The following CCDC66 variants were observed in gnomAD, a reference collection of about 807,000 sequenced individuals.
CCDC66 encodes coiled-coil domain-containing protein 66.
CCDC66 carries 133 observed loss-of-function variants against 128.3 expected under a neutral mutation model. The ratio of observed to expected loss-of-function variants is 1.04; its 90% CI spans 0.90 to 1.20. The LOEUF (loss-of-function observed/expected upper bound fraction) is 1.20, where lower values mean the gene tolerates loss of function less well. Ranked by LOEUF, CCDC66 falls within the 50% of genes most tolerant of loss-of-function variation. CCDC66 has a pLI of 0.00. For missense variants in CCDC66, 1,126 were observed against 1,075.5 expected (o/e 1.05, Z -0.66); for synonymous variants, 387 against 357.0 (o/e 1.08, Z -0.95).
At chr3:56,591,402 C>T (rs908223219) in intron 7 of CCDC66, among the ~76,000 whole-genome samples, 1 of 152,100 alleles carries the variant, frequency 6.6e-6, no homozygotes, top group African/African-American at 2.4e-5. Context: ...ATACAGCATC[C>T]ACTCTTTTAG....
intron 3 of CCDC66, among the ~76,000 whole-genome samples, chr3:56,561,591 A>G (rs893900815): frequency 6.6e-6 from 1 of 152,178 alleles, no homozygotes; most frequent in African/African-American, 2.4e-5. Flanking sequence ...TACTGATGCA[A>G]CCTAAGTTTC....
At position 56,586,520 on chromosome 3, in the gene CCDC66, ACT is replaced by A. The variant is rs1166268336; in HGVS notation, c.937-6447_937-6446del. ...CACTCTGGCCTGGGGGCAGAGCAAG[ACT>A]CTTTCTCAAAAAAAAAAAAAGAAAA... On this transcript the variant is annotated intron_variant, in intron 7 of 17. Coordinates refer to ENST00000394672, the MANE Select transcript of CCDC66 (RefSeq NM_001141947.3). Among the ~76,000 whole-genome samples, 3 of 144,466 alleles carry A rather than the reference ACT, an allele frequency of 2.1e-5. No individual in the cohort carries two copies. The East Asian group carries it at 6.1e-4, about 29-fold the overall frequency. The allele number at this position is 144,466 out of a possible 152,430, so 94.8% of individuals were successfully genotyped here. A position where few individuals can be genotyped will look rare whatever the true frequency, so the allele number is the denominator to read the frequency against.
intron 6 of CCDC66, among the ~76,000 whole-genome samples, chr3:56,567,724 G>A (rs531144205): frequency 6.6e-6 from 1 of 151,916 alleles, no homozygotes. Context: ...ATGGGGTCTC[G>A]CTGTGTTGCC....
rs757859135 is a variant in CCDC66, at chr3:56,564,022, C to T, written c.441C>T (p.Ser147=). 2 of 1,613,954 alleles carry T rather than the reference C, an allele frequency of 1.2e-6. No individual in the cohort carries two copies. The highest frequency in any genetic ancestry group is 2.2e-5 in the South Asian group (2 of 91,084). ...KKHITAENMK[S]SLVCLTQDQL... is the part of the protein sequence containing the mutation. ...ACATCACAGCTGAAAACATGAAGAG[C>T]AGTTTGGTGTGTCTAACACAAGACC... Residue 147 remains serine, a synonymous_variant, in exon 4 of 18, where the codon AGC becomes AGT. Coordinates refer to ENST00000394672, the MANE Select transcript of CCDC66 (RefSeq NM_001141947.3).
Position 56,557,231 on chromosome 3 carries a change from C to T in CCDC66, c.-12C>T, listed in dbSNP as rs1031291418. The T allele has an allele frequency of 6.5e-7, 1 of 1,548,960 alleles. No individual in the cohort carries two copies. Among genetic ancestry groups the T allele is most frequent in the Non-Finnish European group, 8.7e-7 (1 of 1,146,522 alleles). On this transcript the variant is annotated 5_prime_UTR_variant, in exon 1 of 18. Coordinates refer to ENST00000394672, the MANE Select transcript of CCDC66 (RefSeq NM_001141947.3). ...GCTTGAGCGTTCTGTGGAGAGAGTG[C>T]GAGGTCAGGCCATGAACTTGGGGTA...
chr3:56,575,217 G>A (rs1237032632), intron 7 of CCDC66, among the ~76,000 whole-genome samples: 1 of 151,780 alleles, frequency 6.6e-6, no homozygotes, highest in Non-Finnish European at 1.5e-5. Flanking sequence ...TCCATCAGCA[G>A]TGCACTGTGT....
chr3:56,620,349 A>G (rs2076250230), intron 17 of CCDC66: 1 of 153,174 alleles, frequency 6.5e-6, no homozygotes, highest in South Asian at 2.0e-4. Flanking sequence ...GCATAACCTT[A>G]CTCACCATAC....
intron 3 of CCDC66, chr3:56,560,847 C>G (rs1285567601): frequency 4.4e-6 from 2 of 454,562 alleles, no homozygotes; most frequent in Non-Finnish European, 8.8e-6. Flanking sequence ...CTACAGCCCC[C>G]TTTTATCTTT....
At position 56,573,617 on chromosome 3, in the gene CCDC66, A is replaced by G. The variant is rs564773952; in HGVS notation, c.936+2315A>G. Among the ~76,000 whole-genome samples the G allele has an allele frequency of 7.2e-5, 11 of 152,370 alleles. No individual in the cohort carries two copies. The South Asian group carries it at 2.1e-3, about 29-fold the overall frequency. On this transcript the variant is annotated intron_variant, in intron 7 of 17. Transcript: ENST00000394672. ...AGGGTAGAGTTTTCAGCCCTCTGAC[A>G]TCAAAAAGTAAAGCAGAGGACACAA...
chr3:56,621,187 A>AC (rs2076535672), intron 17 of CCDC66: 1 of 163,152 alleles, frequency 6.1e-6, no homozygotes, highest in Non-Finnish European at 1.3e-5. Context: ...CAACAACAAA[A>AC]AAAAAACACT....
At chr3:56,597,715 C>A (rs1421489553) in intron 10 of CCDC66, among the ~76,000 whole-genome samples, 1 of 148,524 alleles carries the variant, frequency 6.7e-6, no homozygotes, top group Non-Finnish European at 1.5e-5. Context: ...TTGTATTCTG[C>A]AACTTTACTG....
intron 4 of CCDC66, among the ~76,000 whole-genome samples, chr3:56,565,442 T>C (rs2065685052): frequency 2.4e-5 from 1 of 41,250 alleles, no homozygotes; most frequent in Admixed American, 1.9e-4. Flanking sequence ...CCCGGCTAAC[T>C]TTTTTTTTTT....
chr3:56,600,603 TA>T (rs2072998398), intron 10 of CCDC66, among the ~76,000 whole-genome samples: 2 of 152,060 alleles, frequency 1.3e-5, no homozygotes, highest in Non-Finnish European at 2.9e-5. Context: ...ACCAACAGTG[TA>T]AAAGCGTTCC....
chr3:56,608,356 G>C (rs1303882832), intron 10 of CCDC66, among the ~76,000 whole-genome samples: 1 of 152,072 alleles, frequency 6.6e-6, no homozygotes, highest in Non-Finnish European at 1.5e-5. Context: ...AAGCTAGGAG[G>C]GTTGTATTTT....
At chr3:56,606,621 A>G (rs1258899603) in intron 10 of CCDC66, among the ~76,000 whole-genome samples, 5 of 151,810 alleles carry the variant, frequency 3.3e-5, no homozygotes, top group Non-Finnish European at 7.4e-5. Context: ...CCACTGTCCA[A>G]CCAGTCCCAA....
Position 56,572,189 on chromosome 3 carries a change from CTA to C in CCDC66, c.936+889_936+890del. The C allele has an allele frequency of 5.4e-6, 2 of 368,590 alleles. 1 individual carries two copies. The highest frequency in any genetic ancestry group is 4.3e-5 in the South Asian group (2 of 46,118). The allele number at this position is 368,590 out of a possible 1,614,324, so 22.8% of individuals were successfully genotyped here. The stretch of plus-strand genomic sequence containing the variant: ...TTGAAATGAATACAAAACTCTGCCA[CTA>C]TGTGTAAGTGTTTAGTTATCAAATA... On this transcript the variant is annotated intron_variant, in intron 7 of 17. Transcript: ENST00000394672.
intron 10 of CCDC66, among the ~76,000 whole-genome samples, chr3:56,602,310 G>T (rs553836338): frequency 1.3e-5 from 2 of 152,076 alleles, no homozygotes; most frequent in Non-Finnish European, 2.9e-5. Flanking sequence ...TTGCATCCCA[G>T]ATATGAAGCC....
At chr3:56,562,261 G>C (rs964523727) in intron 3 of CCDC66, among the ~76,000 whole-genome samples, 69 of 151,382 alleles carry the variant, frequency 4.6e-4, no homozygotes, top group East Asian at 1.9e-4. Flanking sequence ...TGTTGCCCAG[G>C]CTTGTCTCAA....
intron 8 of CCDC66, 98 bp downstream of exon 8, chr3:56,593,199 A>C: frequency 9.7e-7 from 1 of 1,027,340 alleles, no homozygotes; most frequent in Non-Finnish European, 1.4e-6. Flanking sequence ...ACAAGACCAG[A>C]ATATTCCATT....
Sources: gnomAD v4.1 joint callset for allele counts (sites outside exome capture counted in the v4.1 genomes callset) on GRCh38, gnomAD v4.1.1 for gene constraint, MANE v1.5 for transcripts, NCBI Gene and HGNC (gene_info 2026-07-23, HGNC 2026-07-21) for gene names.